Variants in SEMA3D observed in about 807,000 individuals in gnomAD.
SEMA3D encodes the protein semaphorin-3D.
In SEMA3D, 84 loss-of-function variants were observed where a neutral mutation model predicts 100.1. The ratio of observed to expected loss-of-function variants is 0.84; its 90% confidence interval spans 0.70 to 1.01. The LOEUF is 1.01. SEMA3D is among the 50% of genes least tolerant of loss of function. The pLI is 0.00. For missense variants in SEMA3D, 875 were observed against 934.1 expected (o/e 0.94, Z 0.82); for synonymous variants, 312 against 320.7 (o/e 0.97, Z 0.29).
chr7:85,028,451 T>G (rs1425370506), intron 12 of SEMA3D: 1 of 397,966 alleles, frequency 2.5e-6, no homozygotes, highest in African/African-American at 2.2e-5. Context: ...GGAGGTGGTG[T>G]TTTTGATCCT....
chr7:85,207,071 T>A, the SEMA3D span, among the ~76,000 whole-genome samples: 1 of 152,098 alleles, frequency 6.6e-6, no homozygotes, highest in Non-Finnish European at 1.5e-5. Context: ...TGTTACATAC[T>A]TATCAACTTG....
intron 16 of SEMA3D, among the ~76,000 whole-genome samples, chr7:85,014,565 T>C (rs1389933256): frequency 6.6e-6 from 1 of 151,748 alleles, no homozygotes; most frequent in African/African-American, 2.4e-5. Context: ...ATTATATGAG[T>C]GGCAGAAATT....
intron 2 of SEMA3D, among the ~76,000 whole-genome samples, chr7:85,138,107 C>A (rs965226785): frequency 6.6e-6 from 1 of 152,078 alleles, no homozygotes; most frequent in African/African-American, 2.4e-5. Flanking sequence ...CCCATAGAAG[C>A]TGAATGGGCT....
At chr7:85,009,269 T>C (rs778173572) in intron 17 of SEMA3D, among the ~76,000 whole-genome samples, 1 of 151,786 alleles carries the variant, frequency 6.6e-6, no homozygotes, top group Non-Finnish European at 1.5e-5. Flanking sequence ...AAGTGCAAGA[T>C]TGATCTGTTT....
At chr7:85,172,019 T>C (rs1279339256) in intron 1 of SEMA3D, among the ~76,000 whole-genome samples, 2 of 151,666 alleles carry the variant, frequency 1.3e-5, no homozygotes, top group Non-Finnish European at 2.9e-5. Flanking sequence ...GAGACACACA[T>C]ACATATATAG....
chr7:85,159,528 T>C lies in SEMA3D; in HGVS notation c.-172-5789A>G, dbSNP rs142460914. Among the ~76,000 whole-genome samples, 284 of 152,312 alleles carry C rather than the reference T, an allele frequency of 1.9e-3. 1 individual carries two copies. Among genetic ancestry groups the C allele is most frequent in the Non-Finnish European group, 3.6e-3 (242 of 68,026 alleles). On this transcript the variant is annotated intron_variant, in intron 1 of 18. Coordinates refer to ENST00000284136, the MANE Select transcript of SEMA3D (RefSeq NM_001384900.1). Reference sequence around the variant, plus strand: ...CATGTGTACTCTGAAGGTGTTTTGATGCAATTGATTTGGTAGGCAATGGGG... The same window carrying C: ...CATGTGTACTCTGAAGGTGTTTTGACGCAATTGATTTGGTAGGCAATGGGG...
At chr7:85,083,516 C>T (rs983451894) in intron 4 of SEMA3D, among the ~76,000 whole-genome samples, 4 of 152,132 alleles carry the variant, frequency 2.6e-5, no homozygotes, top group African/African-American at 9.7e-5. Context: ...TGTTATTCAT[C>T]ATTGCTGGCA....
the SEMA3D span, among the ~76,000 whole-genome samples, chr7:85,205,083 C>T: frequency 1.3e-5 from 2 of 151,886 alleles, no homozygotes; most frequent in Admixed American, 6.6e-5. Context: ...ATTCATATGT[C>T]TTCTTTTGAG....
chr7:85,123,495 A>C (rs1214940786), intron 2 of SEMA3D, among the ~76,000 whole-genome samples: 1 of 152,162 alleles, frequency 6.6e-6, no homozygotes, highest in African/African-American at 2.4e-5. Flanking sequence ...TCTTCAGTGT[A>C]TTAAAATGTC....
chr7:85,117,869 AT>A (rs1789290960), intron 3 of SEMA3D, among the ~76,000 whole-genome samples: 2 of 150,984 alleles, frequency 1.3e-5, no homozygotes, highest in African/African-American at 4.9e-5. Flanking sequence ...ACATATAGAT[AT>A]AAAAATATAT....
chr7:85,097,767 A>C lies in SEMA3D; in HGVS notation c.312+38T>G, dbSNP rs753177886. On this transcript the variant is annotated intron_variant, in intron 4 of 18. Coordinates refer to ENST00000284136, the MANE Select transcript of SEMA3D (RefSeq NM_001384900.1). ...ACGGGAGAAGAAGAGAGATGAAAATAAATGAATTTAACCAAATGTATATAT... is the reference window on the plus strand; with the variant it reads ...ACGGGAGAAGAAGAGAGATGAAAATCAATGAATTTAACCAAATGTATATAT... 7 of 1,282,364 alleles carry C rather than the reference A, an allele frequency of 5.5e-6. 1 individual carries two copies. In the South Asian group the frequency reaches 1.1e-4, roughly 19 times the overall value. 79.4% of individuals were successfully genotyped at this position (1,282,364 alleles called of 1,614,324 possible). A position where few individuals can be genotyped will look rare whatever the true frequency, so the allele number is the denominator to read the frequency against.
chr7:85,067,418 G>A (rs1418364422), intron 7 of SEMA3D, among the ~76,000 whole-genome samples: 1 of 152,068 alleles, frequency 6.6e-6, no homozygotes, highest in Non-Finnish European at 1.5e-5. Flanking sequence ...ATACACACAT[G>A]CTGTCACTTC....
Position 85,065,417 on chromosome 7 carries a change from CA to C in SEMA3D, c.718+6del. The C allele has an allele frequency of 6.2e-7, 1 of 1,611,140 alleles. No homozygotes were observed. The highest frequency in any genetic ancestry group is 8.5e-7 in the Non-Finnish European group (1 of 1,178,390). On this transcript the variant is annotated splice_donor_region_variant and intron_variant, in intron 8 of 18. Coordinates refer to ENST00000284136, the MANE Select transcript of SEMA3D (RefSeq NM_001384900.1). ...CAATCAAAAGTAAACAAAAAAAAAT[CA>C]CAAACCATTGAGCCAGTAGTGCTCT... is the stretch of plus-strand genomic sequence containing the variant.
chr7:85,009,766 T>TCA (rs1430817062), intron 17 of SEMA3D, among the ~76,000 whole-genome samples: 1 of 151,832 alleles, frequency 6.6e-6, no homozygotes, highest in Non-Finnish European at 1.5e-5. Flanking sequence ...CTCCTGAAGG[T>TCA]ATAGCTCAAA....
chr7:85,134,553 G>T (rs1789805929), intron 2 of SEMA3D, among the ~76,000 whole-genome samples: 1 of 151,848 alleles, frequency 6.6e-6, no homozygotes, highest in Non-Finnish European at 1.5e-5. Flanking sequence ...ATTTTCATTT[G>T]TACCTTCCAG....
chr7:85,138,693 T>C (rs967968472), intron 2 of SEMA3D, among the ~76,000 whole-genome samples: 1 of 149,026 alleles, frequency 6.7e-6, no homozygotes, highest in South Asian at 2.1e-4. Context: ...ATTTAAGTTC[T>C]AGGATACTTG....
At chr7:85,106,018 A>G (rs1287117262) in intron 3 of SEMA3D, among the ~76,000 whole-genome samples, 3 of 152,118 alleles carry the variant, frequency 2.0e-5, no homozygotes, top group Non-Finnish European at 4.4e-5. Flanking sequence ...ATTTATAGTT[A>G]CGGAGTAAAT....
chr7:85,043,078 T>C (rs1481214493), intron 9 of SEMA3D, among the ~76,000 whole-genome samples: 1 of 152,096 alleles, frequency 6.6e-6, no homozygotes, highest in Non-Finnish European at 1.5e-5. Context: ...ATAATACACA[T>C]ATAAAAACCA....
Position 85,100,696 on chromosome 7 carries a change from G to A in SEMA3D, c.152-2731C>T, listed in dbSNP as rs1310792518. ...CTTAAATATAATGGCCATATATTCC[G>A]TCTATCAACAATGGGCTTTATTATT... On this transcript the variant is annotated intron_variant, in intron 3 of 18. Transcript: ENST00000284136. Among the ~76,000 whole-genome samples, 8 of 151,826 alleles carry A rather than the reference G, an allele frequency of 5.3e-5. No homozygotes were observed. The South Asian group carries it at 6.2e-4, about 12-fold the overall frequency.
Sources: gnomAD v4.1 joint callset for allele counts (sites outside exome capture counted in the v4.1 genomes callset) on GRCh38, gnomAD v4.1.1 for gene constraint, MANE v1.5 for transcripts, NCBI Gene and HGNC (gene_info 2026-07-23, HGNC 2026-07-21) for gene names.